Variants in DST observed in about 807,000 individuals in gnomAD.
DST encodes bullous pemphigoid antigen.
Under a neutral mutation model 875.2 loss-of-function variants are expected in DST, and 253 were observed. That is an observed-to-expected ratio of 0.29 (90% CI 0.26 to 0.32). The LOEUF (loss-of-function observed/expected upper bound fraction) is 0.32, where lower values mean the gene tolerates loss of function less well. Among genes scored for constraint, DST ranks in the 10% least tolerant of loss-of-function variants. The pLI, the probability that DST is intolerant of heterozygous loss-of-function variation, is 1.00. For missense variants in DST, 8,287 were observed against 9,111.6 expected (o/e 0.91, Z 3.68); for synonymous variants, 3,124 against 3,197.1 (o/e 0.98, Z 0.77).
At chr6:56,822,697 T>C (rs960213569) in intron 4 of DST, among the ~76,000 whole-genome samples, 1 of 152,168 alleles carries the variant, frequency 6.6e-6, no homozygotes, top group African/African-American at 2.4e-5. Flanking sequence ...TCCTGTTACC[T>C]GAAGTTGCTA....
At chr6:56,704,816 C>G (rs1167255391) in intron 5 of DST, among the ~76,000 whole-genome samples, 1 of 152,120 alleles carries the variant, frequency 6.6e-6, no homozygotes, top group Non-Finnish European at 1.5e-5. Context: ...TAGACGTGAG[C>G]TGGGTGAAGA....
chr6:56,792,532 C>T (rs940063682), intron 4 of DST, among the ~76,000 whole-genome samples: 6 of 151,926 alleles, frequency 3.9e-5, no homozygotes, highest in Non-Finnish European at 8.8e-5. Context: ...AACTCCTGGG[C>T]TCAAGCAATC....
chr6:56,740,494 A>G (rs1438876015), intron 4 of DST, among the ~76,000 whole-genome samples: 6 of 152,198 alleles, frequency 3.9e-5, no homozygotes, highest in Non-Finnish European at 8.8e-5. Context: ...GGGTAGCAAA[A>G]CAGAAGCCAG....
At position 56,650,935 on chromosome 6, in the gene DST, A is replaced by G. The variant is rs1039213994; in HGVS notation, c.1425T>C (p.Ile475=). 6.2e-7 allele frequency: 1 copy of G among 1,607,874 alleles called. No individual in the cohort carries two copies. Among genetic ancestry groups the G allele is most frequent in the Admixed American group, 1.7e-5 (1 of 59,882 alleles). Residue 475 remains isoleucine, a synonymous_variant, in exon 12 of 104, where the codon ATT becomes ATC. Coordinates refer to ENST00000680361, the MANE Select transcript of DST (RefSeq NM_001374736.1). ...AAAAATCAATACTCACATTTGCACCAATGCCTTCCCCACCTTCAGGGACTT... is the reference window on the plus strand; with the variant it reads ...AAAAATCAATACTCACATTTGCACCGATGCCTTCCCCACCTTCAGGGACTT... ...FPKVPEGGEG[I]GANDVEVKWI... is the part of the protein sequence containing the mutation.
chr6:56,880,680 C>T (rs62411409), intron 3 of DST, among the ~76,000 whole-genome samples: 1 of 147,526 alleles, frequency 6.8e-6, no homozygotes, highest in South Asian at 2.1e-4. Context: ...GAGTGAGACT[C>T]CGTCTCAAAA....
intron 27 of DST, among the ~76,000 whole-genome samples, chr6:56,633,672 G>T (rs1408440040): frequency 1.3e-5 from 2 of 151,624 alleles, no homozygotes; most frequent in Admixed American, 6.6e-5. Flanking sequence ...GGCTAGTTTT[G>T]TATTTTTAGT....
At chr6:56,744,663 C>T (rs1301714051) in intron 4 of DST, among the ~76,000 whole-genome samples, 2 of 152,126 alleles carry the variant, frequency 1.3e-5, no homozygotes, top group Non-Finnish European at 2.9e-5. Context: ...TGCACATCAC[C>T]ACCCTGCAGA....
At chr6:56,694,664 A>C (rs1206443611) in intron 9 of DST, among the ~76,000 whole-genome samples, 5 of 152,086 alleles carry the variant, frequency 3.3e-5, no homozygotes, top group African/African-American at 7.2e-5. Context: ...CCTTCCCTCC[A>C]TCTCTGCTGA....
intron 45 of DST, among the ~76,000 whole-genome samples, chr6:56,599,185 T>C (rs1196497123): frequency 6.6e-6 from 1 of 152,134 alleles, no homozygotes; most frequent in African/African-American, 2.4e-5. Flanking sequence ...AATGTTTGCT[T>C]CTTTGCCTAG....
intron 80 of DST, among the ~76,000 whole-genome samples, chr6:56,498,548 T>C (rs2096000651): frequency 6.6e-6 from 1 of 152,146 alleles, no homozygotes; most frequent in African/African-American, 2.4e-5. Flanking sequence ...ACACTAAATA[T>C]CTAGAGATTA....
chr6:56,840,671 C>T (rs115007167), intron 4 of DST, among the ~76,000 whole-genome samples: 2,583 of 152,246 alleles, frequency 0.017, 74 homozygotes, highest in African/African-American at 0.058. Flanking sequence ...CTGACTACAC[C>T]ATAAATAATT....
At chr6:56,936,588 A>C (rs1181552607) in intron 2 of DST, among the ~76,000 whole-genome samples, 5 of 152,138 alleles carry the variant, frequency 3.3e-5, no homozygotes, top group African/African-American at 1.2e-4. Flanking sequence ...CACAGCCCCT[A>C]AACAATACCA....
At chr6:56,729,318 C>T (rs955989242) in intron 5 of DST, among the ~76,000 whole-genome samples, 2 of 152,170 alleles carry the variant, frequency 1.3e-5, no homozygotes, top group Admixed American at 1.3e-4. Context: ...TGGCTGGGGG[C>T]AGTGGCTCAC....
intron 4 of DST, among the ~76,000 whole-genome samples, chr6:56,802,389 A>G (rs1326866641): frequency 1.3e-5 from 2 of 152,186 alleles, no homozygotes; most frequent in East Asian, 3.8e-4. Flanking sequence ...AACTCAGCCA[A>G]TAACACTTTA....
intron 3 of DST, among the ~76,000 whole-genome samples, chr6:56,868,901 T>C (rs576129423): frequency 6.6e-6 from 1 of 152,322 alleles, no homozygotes; most frequent in African/African-American, 2.4e-5. Flanking sequence ...TAAACATGAA[T>C]TCTACCCTCT....
At position 56,476,287 on chromosome 6, in the gene DST, A is replaced by G. The variant is rs1386571901; in HGVS notation, c.21726T>C (p.Ala7242=). 1 of 1,607,490 alleles carries G rather than the reference A, an allele frequency of 6.2e-7. No homozygotes were observed. Among genetic ancestry groups the G allele is most frequent in the Non-Finnish European group, 8.5e-7 (1 of 1,176,582 alleles). The change falls in exon 92 of 104, where the codon GCT becomes GCC. Residue 7242 remains alanine, a synonymous_variant. Coordinates refer to ENST00000680361, the MANE Select transcript of DST (RefSeq NM_001374736.1). The part of the protein sequence containing the change: ...QHQQRLASAL[A]GLIAKQELLE... ...ACAATTCCTGTTTGGCAATAAGCCCAGCCAGAGCACTTGCTAATCTCTGCT... is the reference window on the plus strand; with the variant it reads ...ACAATTCCTGTTTGGCAATAAGCCCGGCCAGAGCACTTGCTAATCTCTGCT...
chr6:56,856,489 C>A (rs539163101), intron 3 of DST, among the ~76,000 whole-genome samples: 12 of 152,070 alleles, frequency 7.9e-5, no homozygotes, highest in African/African-American at 2.4e-4. Context: ...CCAAAAAAAA[C>A]CCAAAAATAG....
intron 9 of DST, among the ~76,000 whole-genome samples, chr6:56,689,187 T>C (rs996984936): frequency 6.6e-6 from 1 of 152,128 alleles, no homozygotes; most frequent in African/African-American, 2.4e-5. Flanking sequence ...GCTTGGAATA[T>C]AGCAGGACTC....
chr6:56,934,336 G>C (rs1403964144), intron 2 of DST, among the ~76,000 whole-genome samples: 4 of 151,428 alleles, frequency 2.6e-5, no homozygotes, highest in Admixed American at 6.6e-5. Flanking sequence ...ACACATACTT[G>C]ACCCTCAAAA....
Sources: gnomAD v4.1 joint callset for allele counts (sites outside exome capture counted in the v4.1 genomes callset) on GRCh38, gnomAD v4.1.1 for gene constraint, MANE v1.5 for transcripts, NCBI Gene and HGNC (gene_info 2026-07-23, HGNC 2026-07-21) for gene names.